TH: variants seen among roughly 807,000 people sequenced by gnomAD.
TH encodes tyrosine hydroxylase.
A neutral mutation model predicts 57.4 loss-of-function variants in TH; 49 were observed. The observed-to-expected ratio is 0.85, with a 90% CI of 0.68 to 1.08. The LOEUF (loss-of-function observed/expected upper bound fraction) is 1.08. TH is among the 50% of genes least tolerant of loss of function. TH has a pLI of 0.00. For synonymous variants in TH, 330 were observed against 304.5 expected (o/e 1.08, Z -0.87); for missense variants, 720 against 696.7 (o/e 1.03, Z -0.38).
chr11:2,169,664 C>G lies in TH; in HGVS notation c.298G>C (p.Val100Leu), dbSNP rs1353856728. The G allele has an allele frequency of 1.2e-6, 2 of 1,613,526 alleles. No individual in the cohort carries two copies. The highest frequency in any genetic ancestry group is 8.5e-7 in the Non-Finnish European group (1 of 1,179,994). Reference sequence around the variant, plus strand: ...CACCAGCTCACCTCAAACACCTTCACAGCTCGGGACAGCGCCGAGGGCTTG... The same window carrying G: ...CACCAGCTCACCTCAAACACCTTCAGAGCTCGGGACAGCGCCGAGGGCTTG... ...ATKPSALSRA[V>L]KVFETFEAKI... The change falls in exon 2 of 13, where the codon GTG becomes CTG. Residue 100 changes from valine to leucine, a missense_variant. By Grantham distance (32) the Val-to-Leu change is conservative. Transcript: ENST00000352909.
Position 2,168,504 on chromosome 11 carries a change from G to A in TH, c.474C>T (p.Pro158=), listed in dbSNP as rs531554933. 3.6e-5 allele frequency: 58 copies of A among 1,612,314 alleles called. 1 individual carries two copies. The highest frequency in any genetic ancestry group is 2.4e-4 in the South Asian group (22 of 91,070). ...AAACCGCCTCACCCTTGGGCCCCGC[G>A]GGGCTGCGCACGTCCTCTGACACCT... ...VRQVSEDVRS[P]AGPKVPWFPR... Residue 158 remains proline (P), a synonymous_variant, in exon 3 of 13, where the codon CCC becomes CCT. Transcript: ENST00000352909.
rs767211543 is a variant in TH, at chr11:2,165,265, G to C, written c.1301C>G (p.Ser434Cys). ...DQTYQSVYFV[S>C]ESFSDAKDKL... Reference sequence around the variant, plus strand: ...GTCCTTGGCGTCACTGAAGCTCTCAGACACGAAGTAGACTGACTGGTACGT... The same window carrying C: ...GTCCTTGGCGTCACTGAAGCTCTCACACACGAAGTAGACTGACTGGTACGT... Residue 434 changes from serine (S) to cysteine (C), a missense_variant, in exon 12 of 13, where the codon TCT becomes TGT. Physicochemically the swap from Ser to Cys is moderately radical, Grantham distance 112. Coordinates refer to ENST00000352909, the MANE Select transcript of TH (RefSeq NM_000360.4). 16 of 1,612,830 alleles carry C rather than the reference G, an allele frequency of 9.9e-6. No homozygotes were observed. Among genetic ancestry groups the C allele is most frequent in the African/African-American group, 1.3e-5 (1 of 74,938 alleles).
Position 2,171,290 on chromosome 11 carries a change from C to T in TH, c.90+407G>A, listed in dbSNP as rs1846250468. Among the ~76,000 whole-genome samples the T allele has an allele frequency of 6.6e-6, 1 of 151,872 alleles. No individual in the cohort carries two copies. The highest frequency in any genetic ancestry group is 1.5e-5 in the Non-Finnish European group (1 of 67,934). ...CTGGTTGGGGTGCTGACTAGGGCAG[C>T]TGGGGCAGAGGGAGGCAGGGGCAGG... On this transcript the variant is annotated intron_variant, in intron 1 of 12. Coordinates refer to ENST00000352909, the MANE Select transcript of TH (RefSeq NM_000360.4). The surrounding 1 kb of genome is among the most constrained non-coding windows in gnomAD (Gnocchi z 8.6).
intron 11 of TH, 100 bp downstream of exon 11, chr11:2,165,568 T>C (rs1158549089): frequency 2.9e-6 from 4 of 1,389,774 alleles, no homozygotes; most frequent in African/African-American, 2.9e-5. Flanking sequence ...GTCCTGGAGG[T>C]CCAGGCCTCA....
intron 9 of TH, 58 bp downstream of exon 9, chr11:2,166,422 C>T (rs1023579466): frequency 1.1e-5 from 16 of 1,522,032 alleles, no homozygotes; most frequent in African/African-American, 8.3e-5. Flanking sequence ...TCCCCGCCCG[C>T]CCCCGGCGCC....
chr11:2,167,072 C>G (rs1430665633), intron 6 of TH, 40 bp from the exon 7 acceptor site: 23 of 1,555,712 alleles, frequency 1.5e-5, no homozygotes, highest in Non-Finnish European at 1.9e-5. Flanking sequence ...ATGCCCCACC[C>G]CAGTGCCCGA....
chr11:2,166,247 C>T lies in TH; in HGVS notation c.1048-189G>A, dbSNP rs7483805. The stretch of plus-strand genomic sequence containing the variant: ...TCCTCCAGGCAGCCCTCCTTGACCA[C>T]ATTCCTAAGCCCGTGGGCGCCGTTC... On this transcript the variant is annotated intron_variant, in intron 9 of 12. Coordinates refer to ENST00000352909, the MANE Select transcript of TH (RefSeq NM_000360.4). The T allele has an allele frequency of 0.98, 848,373 of 868,364 alleles. 416,659 individuals carry two copies. The highest frequency in any genetic ancestry group is 1 in the East Asian group (37,623 of 37,624). 53.8% of individuals were successfully genotyped at this position (868,364 alleles called of 1,614,324 possible).
At position 2,168,494 on chromosome 11, in the gene TH, T is replaced by G. The variant is rs1345917148; in HGVS notation, c.484A>C (p.Lys162Gln). The G allele has an allele frequency of 1.9e-6, 3 of 1,612,200 alleles. No homozygotes were observed. The highest frequency in any genetic ancestry group is 2.2e-5 in the South Asian group (2 of 91,058). ...CAAGGACAGAAAACCGCCTCACCCT[T>G]GGGCCCCGCGGGGCTGCGCACGTCC... ...SEDVRSPAGP[K>Q]VPWFPRKVSE... The change falls in exon 3 of 13, where the codon AAG becomes CAG. Residue 162 changes from lysine (K) to glutamine (Q), a missense_variant. Coordinates refer to ENST00000352909, the MANE Select transcript of TH (RefSeq NM_000360.4).
chr11:2,165,590 C>T, intron 11 of TH, 78 bp downstream of exon 11: 2 of 1,509,570 alleles, frequency 1.3e-6, no homozygotes, highest in Non-Finnish European at 1.8e-6. Flanking sequence ...TTTCCTCCCA[C>T]TGGGAGCCTG....
Position 2,171,804 on chromosome 11 carries a change from C to A in TH, c.-18G>T, listed in dbSNP as rs370306636. The A allele has an allele frequency of 1.2e-6, 2 of 1,606,476 alleles. No individual in the cohort carries two copies. The highest frequency in any genetic ancestry group is 1.7e-6 in the Non-Finnish European group (2 of 1,177,634). ...GTGGGCATGGCTCAGTGTGGAGGTC[C>A]GGGCTCCGTCTCCACAGCCCTGGCC... On this transcript the variant is annotated 5_prime_UTR_variant, in exon 1 of 13. Transcript: ENST00000352909. The surrounding 1 kb of genome is among the most constrained non-coding windows in gnomAD (Gnocchi z 8.6).
rs755146302 is a variant in TH, at chr11:2,166,677, G to C, written c.933C>G (p.Thr311=). 1 of 1,566,416 alleles carries C rather than the reference G, an allele frequency of 6.4e-7. No homozygotes were observed. Among genetic ancestry groups the C allele is most frequent in the African/African-American group, 1.3e-5 (1 of 74,216 alleles). The part of the protein sequence containing the change: ...ASLAFRVFQC[T]QYIRHASSPM... ...GCGAGGACGCGTGGCGGATATACTGGGTGCACTGGAACACGCGGAAGGCCA... is the reference window on the plus strand; with the variant it reads ...GCGAGGACGCGTGGCGGATATACTGCGTGCACTGGAACACGCGGAAGGCCA... The change falls in exon 8 of 13, where the codon ACC becomes ACG. Residue 311 remains threonine, a synonymous_variant. Transcript: ENST00000352909.
chr11:2,171,587 T>G lies in TH; in HGVS notation c.90+110A>C. On this transcript the variant is annotated intron_variant, in intron 1 of 12. Transcript: ENST00000352909. This position sits in a 1 kb window ranked among gnomAD's most constrained non-coding sequence, Gnocchi z 8.6. The stretch of plus-strand genomic sequence containing the variant: ...CCACGCCGCGTCCCAGGGGTTTGCA[T>G]GGACCCTGAGCCTGGGGCTGCCAGC... 8.1e-7 allele frequency: 1 copy of G among 1,237,852 alleles called. No individual in the cohort carries two copies. The highest frequency in any genetic ancestry group is 1.2e-6 in the Non-Finnish European group (1 of 866,162). 76.7% of individuals were successfully genotyped at this position (1,237,852 alleles called of 1,614,324 possible).
intron 12 of TH, 148 bp downstream of exon 12, chr11:2,165,084 T>G: frequency 8.3e-7 from 1 of 1,199,720 alleles, no homozygotes; most frequent in Non-Finnish European, 1.2e-6. Flanking sequence ...ATGGTGTCCC[T>G]GCTGTGTGGG....
intron 12 of TH, among the ~76,000 whole-genome samples, 153 bp downstream of exon 12, chr11:2,165,079 G>A (rs1054376515): frequency 6.6e-6 from 1 of 152,178 alleles, no homozygotes; most frequent in Non-Finnish European, 1.5e-5. Flanking sequence ...CACGGATGGT[G>A]TCCCTGCTGT....
intron 10 of TH, 116 bp from the exon 11 acceptor site, chr11:2,165,879 C>A: frequency 6.6e-7 from 1 of 1,504,998 alleles, no homozygotes; most frequent in Non-Finnish European, 9.1e-7. Flanking sequence ...TGCAGGCAGG[C>A]CAGGGTGAGG....
In TH at chr11:2,163,947, T is replaced by G; in HGVS notation, c.*286A>C. The stretch of plus-strand genomic sequence containing the variant: ...GCAGGTGTAGAGACCACAGTTTCTT[T>G]TATTGTGACGGTGATTGGGGCAGCA... On this transcript the variant is annotated 3_prime_UTR_variant, in exon 13 of 13. Coordinates refer to ENST00000352909, the MANE Select transcript of TH (RefSeq NM_000360.4). 1 of 310,356 alleles carries G rather than the reference T, an allele frequency of 3.2e-6. No homozygotes were observed. Among genetic ancestry groups the G allele is most frequent in the African/African-American group, 2.1e-5 (1 of 46,622 alleles). 19.2% of individuals were successfully genotyped at this position (310,356 alleles called of 1,614,324 possible).
Position 2,169,854 on chromosome 11 carries a change from C to T in TH, c.108G>A (p.Gly36=), listed in dbSNP as rs372002058. The T allele has an allele frequency of 1.3e-4, 204 of 1,609,982 alleles. No homozygotes were observed. Among genetic ancestry groups the T allele is most frequent in the Non-Finnish European group, 1.6e-4 (188 of 1,179,564 alleles). ...CGTCCTCGATGAGGCTCTGCCTGCG[C>T]CCAATGAACCGCGGGGACTGTGGGG... ...AEAIMSPRFI[G]RRQSLIEDAR... is the part of the protein sequence containing the mutation. The change falls in exon 2 of 13, where the codon GGG becomes GGA. Residue 36 remains glycine (G), a synonymous_variant. Transcript: ENST00000352909.
At position 2,170,248 on chromosome 11, in the gene TH, G is replaced by A. The variant is rs996044709; in HGVS notation, c.91-377C>T. ...CGATGTCTTGATGGACAGTGGCATC[G>A]GCTGCCGGGGAGGGAACGGCAGCTC... is the stretch of plus-strand genomic sequence containing the variant. On this transcript the variant is annotated intron_variant, in intron 1 of 12. Coordinates refer to ENST00000352909, the MANE Select transcript of TH (RefSeq NM_000360.4). This position sits in a 1 kb window ranked among gnomAD's most constrained non-coding sequence, Gnocchi z 6.0. Among the ~76,000 whole-genome samples, 2 of 152,124 alleles carry A rather than the reference G, an allele frequency of 1.3e-5. No homozygotes were observed. Among genetic ancestry groups the A allele is most frequent in the African/African-American group, 4.8e-5 (2 of 41,406 alleles).
Position 2,166,252 on chromosome 11 carries a change from C to G in TH, c.1048-194G>C, listed in dbSNP as rs4072826. 594,259 of 866,150 alleles carry G rather than the reference C, an allele frequency of 0.69. 210,638 individuals carry two copies. Among genetic ancestry groups the G allele is most frequent in the East Asian group, 0.96 (36,296 of 37,654 alleles). The allele number at this position is 866,150 out of a possible 1,614,324, so 53.7% of individuals were successfully genotyped here. ...CAGGCAGCCCTCCTTGACCACATTC[C>G]TAAGCCCGTGGGCGCCGTTCCCAGG... On this transcript the variant is annotated intron_variant, in intron 9 of 12. Transcript: ENST00000352909.
Sources: gnomAD v4.1 joint callset for allele counts (sites outside exome capture counted in the v4.1 genomes callset) on GRCh38, gnomAD v4.1.1 for gene constraint, Gnocchi (gnomAD v3.1) non-coding constraint, MANE v1.5 for transcripts, NCBI Gene and HGNC (gene_info 2026-07-23, HGNC 2026-07-21) for gene names.